The following PTPRD variants were observed in gnomAD, a reference collection of about 807,000 sequenced individuals.
The protein encoded by PTPRD is receptor-type tyrosine-protein phosphatase delta.
In PTPRD, 34 loss-of-function variants were observed where a neutral mutation model predicts 214.5. The ratio of observed to expected loss-of-function variants is 0.16; its 90% CI spans 0.12 to 0.21. The LOEUF is 0.21. PTPRD is among the 10% of genes least tolerant of loss of function. The probability of loss-of-function intolerance (pLI) is 1.00; values close to 1 mark genes in which losing one functional copy is unlikely to be tolerated. For synonymous variants in PTPRD, 1,128 were observed against 845.7 expected (o/e 1.33, Z -5.79); for missense variants, 2,545 against 2,398.7 (o/e 1.06, Z -1.27).
chr9:9,390,418 T>C (rs772872109), intron 9 of PTPRD, among the ~76,000 whole-genome samples: 1 of 152,170 alleles, frequency 6.6e-6, no homozygotes, highest in African/African-American at 2.4e-5. Context: ...CTCCATGAAA[T>C]ACTCGTCCAC....
At position 10,271,549 on chromosome 9, in the gene PTPRD, CTTTTT is replaced by C. The variant is rs35231135; in HGVS notation, c.-545+69409_-545+69413del. Among the ~76,000 whole-genome samples, 61 of 51,568 alleles carry C rather than the reference CTTTTT, an allele frequency of 1.2e-3. 2 individuals carry two copies. The highest frequency in any genetic ancestry group is 0.013 in the Middle Eastern group (1 of 76). 33.8% of individuals were successfully genotyped at this position (51,568 alleles called of 152,430 possible). ...TCAATTGTTTCTTTTCTTTTCTTTT[CTTTTT>C]TTTTTTGAGACGGAATCTTGCTCTG... On this transcript the variant is annotated intron_variant, in intron 3 of 45. Coordinates refer to ENST00000381196, the MANE Select transcript of PTPRD (RefSeq NM_002839.4).
At chr9:9,619,213 T>A (rs1414126798) in intron 7 of PTPRD, among the ~76,000 whole-genome samples, 1 of 151,972 alleles carries the variant, frequency 6.6e-6, no homozygotes, top group African/African-American at 2.4e-5. Context: ...GTGACAGCTA[T>A]AGTCAAGGAG....
intron 35 of PTPRD, among the ~76,000 whole-genome samples, chr9:8,415,038 G>A (rs2093828925): frequency 6.6e-6 from 1 of 151,790 alleles, no homozygotes; most frequent in Non-Finnish European, 1.5e-5. Flanking sequence ...ACATGGATAG[G>A]TGGGTGGGAA....
intron 2 of PTPRD, among the ~76,000 whole-genome samples, chr9:10,599,449 G>C (rs931785938): frequency 1.3e-5 from 2 of 151,654 alleles, no homozygotes; most frequent in Non-Finnish European, 2.9e-5. Context: ...CTGCAGTGTA[G>C]CATATGGGTT....
rs756969216 is a variant in PTPRD, at chr9:10,060,827, T to TCTTC, written c.-544-27041_-544-27038dup. Among the ~76,000 whole-genome samples the TCTTC allele has an allele frequency of 4.2e-3, 509 of 119,782 alleles. 104 individuals carry two copies. The highest frequency in any genetic ancestry group is 0.018 in the African/African-American group (327 of 18,608). 78.6% of individuals were successfully genotyped at this position (119,782 alleles called of 152,430 possible). ...TCCTTTCTTTCTTTCTTTCTTTCTT[T>TCTTC]CTTCCTTCCTTCCTTCCTTTCCTTT... On this transcript the variant is annotated intron_variant, in intron 3 of 45. Transcript: ENST00000381196.
intron 6 of PTPRD, among the ~76,000 whole-genome samples, chr9:9,765,366 G>A (rs899952274): frequency 5.9e-5 from 9 of 152,078 alleles, no homozygotes; most frequent in African/African-American, 2.2e-4. Flanking sequence ...AGATAGAACA[G>A]GCATCAATTA....
chr9:8,949,816 C>T (rs1212652413), intron 11 of PTPRD, among the ~76,000 whole-genome samples: 1 of 152,114 alleles, frequency 6.6e-6, no homozygotes, highest in Non-Finnish European at 1.5e-5. Flanking sequence ...ATAGCATAAA[C>T]TCGGTCCAAT....
At chr9:9,591,804 T>C (rs1323027138) in intron 7 of PTPRD, among the ~76,000 whole-genome samples, 2 of 152,062 alleles carry the variant, frequency 1.3e-5, no homozygotes, top group Admixed American at 1.3e-4. Context: ...ACTTATCATT[T>C]CTTTGTGGTG....
intron 11 of PTPRD, among the ~76,000 whole-genome samples, chr9:8,738,789 C>CAAA (rs1565690725): frequency 2.0e-5 from 3 of 151,518 alleles, no homozygotes; most frequent in Non-Finnish European, 4.4e-5. Context: ...AAAACAAAAA[C>CAAA]TACTGCTGTC....
At chr9:10,544,578 A>C (rs377004711) in intron 2 of PTPRD, among the ~76,000 whole-genome samples, 7 of 152,180 alleles carry the variant, frequency 4.6e-5, no homozygotes, top group Non-Finnish European at 8.8e-5. Context: ...ATCACCCATC[A>C]TTTGCTAACC....
intron 11 of PTPRD, among the ~76,000 whole-genome samples, chr9:8,874,208 A>C (rs2098351592): frequency 6.6e-6 from 1 of 152,192 alleles, no homozygotes; most frequent in African/African-American, 2.4e-5. Context: ...CCCATGGTTC[A>C]GTGACTTGCC....
chr9:8,917,208 A>C (rs1474149706), intron 11 of PTPRD, among the ~76,000 whole-genome samples: 2 of 150,228 alleles, frequency 1.3e-5, no homozygotes, highest in Non-Finnish European at 3.0e-5. Context: ...GGCTCGCTGC[A>C]ACCTCTGCTT....
intron 11 of PTPRD, among the ~76,000 whole-genome samples, chr9:9,013,534 A>G (rs559846406): frequency 1.3e-5 from 2 of 152,224 alleles, no homozygotes; most frequent in South Asian, 4.1e-4. Flanking sequence ...TCCTGCTCCA[A>G]TGGACAAAAG....
At chr9:8,449,646 C>A (rs1317485802) in intron 34 of PTPRD, 79 bp downstream of exon 34, 1 of 1,267,974 alleles carries the variant, frequency 7.9e-7, no homozygotes, top group African/African-American at 1.5e-5. Context: ...TAAAGTGATA[C>A]CTTCAACTCT....
At chr9:8,840,481 A>C (rs1274403319) in intron 11 of PTPRD, among the ~76,000 whole-genome samples, 1 of 152,222 alleles carries the variant, frequency 6.6e-6, no homozygotes, top group Non-Finnish European at 1.5e-5. Flanking sequence ...TTTCCTGTAT[A>C]AATTACCCAG....
At chr9:8,331,512 C>T (rs370497936) in intron 44 of PTPRD, 70 bp downstream of exon 44, 9 of 1,544,534 alleles carry the variant, frequency 5.8e-6, no homozygotes, top group African/African-American at 1.4e-5. Context: ...AAACTTACTA[C>T]AAAAAGTGTA....
intron 11 of PTPRD, among the ~76,000 whole-genome samples, chr9:8,980,420 T>C (rs139036177): frequency 0.014 from 2,108 of 152,222 alleles, 24 homozygotes; most frequent in Middle Eastern, 0.048. Flanking sequence ...CGTAAGATGA[T>C]AGATATGTTA....
At chr9:10,058,419 G>C (rs1235829111) in intron 3 of PTPRD, among the ~76,000 whole-genome samples, 1 of 151,874 alleles carries the variant, frequency 6.6e-6, no homozygotes, top group Non-Finnish European at 1.5e-5. Context: ...AAAACCACTT[G>C]CAATTGCTAC....
chr9:10,130,441 G>A (rs925235373), intron 3 of PTPRD, among the ~76,000 whole-genome samples: 2 of 152,008 alleles, frequency 1.3e-5, no homozygotes, highest in Non-Finnish European at 2.9e-5. Context: ...GAGTGATAAT[G>A]ATGCCATATC....
Sources: gnomAD v4.1 joint callset for allele counts (sites outside exome capture counted in the v4.1 genomes callset) on GRCh38, gnomAD v4.1.1 for gene constraint, MANE v1.5 for transcripts, NCBI Gene and HGNC (gene_info 2026-07-23, HGNC 2026-07-21) for gene names.